The following TTC28 variants were observed in gnomAD, a reference collection of about 807,000 sequenced individuals.
The protein encoded by TTC28 is tetratricopeptide repeat domain 28, also known as tetratricopeptide repeat protein 28.
TTC28 carries 61 observed loss-of-function variants against 198.0 expected under a neutral mutation model. That is an observed-to-expected ratio of 0.31 (90% CI 0.25 to 0.38). TTC28 has a LOEUF of 0.38. TTC28 is among the 10% of genes least tolerant of loss of function. The pLI, the probability that TTC28 is intolerant of heterozygous loss-of-function variation, is 1.00. For synonymous variants in TTC28, 1,171 were observed against 1,297.8 expected (o/e 0.90, Z 2.10); for missense variants, 2,678 against 3,164.0 (o/e 0.85, Z 3.69).
chr22:28,368,800 C>A (rs2046285812), intron 2 of TTC28, among the ~76,000 whole-genome samples: 1 of 151,744 alleles, frequency 6.6e-6, no homozygotes, highest in Non-Finnish European at 1.5e-5. Flanking sequence ...TTTATAATAG[C>A]CACAGATAAA....
chr22:28,588,005 G>A (rs2050349184), intron 2 of TTC28, among the ~76,000 whole-genome samples: 1 of 151,748 alleles, frequency 6.6e-6, no homozygotes, highest in Non-Finnish European at 1.5e-5. Context: ...AGCCAGGCGT[G>A]GTGGCAGGCG....
intron 5 of TTC28, among the ~76,000 whole-genome samples, chr22:28,176,168 C>G (rs1462802668): frequency 6.6e-6 from 1 of 151,814 alleles, no homozygotes; most frequent in Non-Finnish European, 1.5e-5. Flanking sequence ...ACCTAAGTGT[C>G]CAAAAAGGGA....
intron 5 of TTC28, among the ~76,000 whole-genome samples, chr22:28,284,071 G>A (rs1395762953): frequency 2.0e-5 from 3 of 152,124 alleles, no homozygotes; most frequent in East Asian, 3.9e-4. Flanking sequence ...AAACCAACAG[G>A]CATTTATCAT....
chr22:28,063,163 C>A (rs1940616187), intron 12 of TTC28, among the ~76,000 whole-genome samples: 1 of 152,142 alleles, frequency 6.6e-6, no homozygotes, highest in African/African-American at 2.4e-5. Flanking sequence ...TAGCTAAAGT[C>A]CCATGCATTT....
chr22:28,608,168 T>C (rs1397281302), intron 2 of TTC28, among the ~76,000 whole-genome samples: 2 of 152,234 alleles, frequency 1.3e-5, no homozygotes, highest in African/African-American at 4.8e-5. Flanking sequence ...GTTTTTAACT[T>C]GCACTATTTC....
intron 5 of TTC28, among the ~76,000 whole-genome samples, chr22:28,294,655 A>G (rs939704565): frequency 6.7e-6 from 1 of 149,456 alleles, no homozygotes; most frequent in African/African-American, 2.5e-5. Context: ...TGCAACCTCC[A>G]CTTCCCGGGT....
chr22:28,381,983 TA>T (rs2046504444), intron 2 of TTC28, among the ~76,000 whole-genome samples: 1 of 152,130 alleles, frequency 6.6e-6, no homozygotes, highest in South Asian at 2.1e-4. Context: ...GCAAATAGGC[TA>T]AAGGGTAAAA....
intron 5 of TTC28, among the ~76,000 whole-genome samples, chr22:28,180,497 G>A (rs1436279251): frequency 2.0e-5 from 3 of 151,934 alleles, no homozygotes; most frequent in Non-Finnish European, 4.4e-5. Flanking sequence ...TTACTTCTTT[G>A]TCGGGGCCAC....
At position 28,129,983 on chromosome 22, in the gene TTC28, C is replaced by T. The variant is rs1485801043; in HGVS notation, c.1442-21580G>A. 2.6e-5 allele frequency among the ~76,000 whole-genome samples: 4 copies of T among 152,158 alleles called. No homozygotes were observed. In the South Asian group the frequency reaches 6.2e-4, roughly 24 times the overall value. On this transcript the variant is annotated intron_variant, in intron 6 of 22. Coordinates refer to ENST00000397906, the MANE Select transcript of TTC28 (RefSeq NM_001145418.2). ...AGTACCAAGACTGTAGGTGGTAAAG[C>T]TCTTTACAGAAGTAAAGCACTACTA...
chr22:28,483,357 A>G (rs1601454336), intron 2 of TTC28, among the ~76,000 whole-genome samples: 1 of 152,300 alleles, frequency 6.6e-6, no homozygotes, highest in African/African-American at 2.4e-5. Flanking sequence ...ACTATTTTAT[A>G]TAGGGTGGTC....
At chr22:28,208,692 G>C (rs1926636626) in intron 5 of TTC28, among the ~76,000 whole-genome samples, 1 of 151,864 alleles carries the variant, frequency 6.6e-6, no homozygotes. Context: ...ATCAATCCAT[G>C]GCCTTCCAAA....
chr22:27,988,797 T>A (rs1439175637), intron 21 of TTC28, among the ~76,000 whole-genome samples: 2 of 152,042 alleles, frequency 1.3e-5, no homozygotes, highest in East Asian at 3.9e-4. Context: ...CCTGGCACTT[T>A]CTCCTGCAAA....
chr22:28,440,211 G>A (rs1380066811), intron 2 of TTC28, among the ~76,000 whole-genome samples: 1 of 151,948 alleles, frequency 6.6e-6, no homozygotes, highest in East Asian at 1.9e-4. Flanking sequence ...TGCTTTTTAG[G>A]GCAATTACAT....
chr22:28,125,839 T>C (rs1415713016), intron 6 of TTC28, among the ~76,000 whole-genome samples: 1 of 152,186 alleles, frequency 6.6e-6, no homozygotes. Flanking sequence ...AAATGTTGCA[T>C]AGCTCATTAC....
At chr22:28,232,442 C>T (rs991724910) in intron 5 of TTC28, among the ~76,000 whole-genome samples, 1 of 152,208 alleles carries the variant, frequency 6.6e-6, no homozygotes, top group Non-Finnish European at 1.5e-5. Flanking sequence ...CAAGCAGCAG[C>T]AATCTTGACA....
chr22:28,194,828 T>C (rs1472809488), intron 5 of TTC28, among the ~76,000 whole-genome samples: 213 of 105,546 alleles, frequency 2.0e-3, no homozygotes, highest in African/African-American at 7.6e-3. Context: ...CAGGACCAGA[T>C]GGATTCACAG....
At chr22:28,423,068 T>G (rs1438567197) in intron 2 of TTC28, among the ~76,000 whole-genome samples, 1 of 152,184 alleles carries the variant, frequency 6.6e-6, no homozygotes, top group Non-Finnish European at 1.5e-5. Flanking sequence ...AAAACTACTG[T>G]AGATTCTTGA....
At chr22:28,080,789 T>C (rs1465973146) in intron 12 of TTC28, among the ~76,000 whole-genome samples, 18 of 152,200 alleles carry the variant, frequency 1.2e-4, no homozygotes, top group Admixed American at 1.2e-3. Flanking sequence ...TTTTCCTCTA[T>C]GTTTTCCTTT....
chr22:28,335,752 G>T (rs1048119892), intron 2 of TTC28, among the ~76,000 whole-genome samples: 5 of 152,130 alleles, frequency 3.3e-5, no homozygotes, highest in Non-Finnish European at 7.4e-5. Flanking sequence ...AGATGATGGG[G>T]TTTTCTAGAT....
Sources: gnomAD v4.1 joint callset for allele counts (sites outside exome capture counted in the v4.1 genomes callset) on GRCh38, gnomAD v4.1.1 for gene constraint, MANE v1.5 for transcripts, NCBI Gene and HGNC (gene_info 2026-07-23, HGNC 2026-07-21) for gene names.